The following PLGRKT variants were observed in gnomAD, a reference collection of about 807,000 sequenced individuals.
PLGRKT encodes the protein plasminogen receptor with a C-terminal lysine.
Under a neutral mutation model 18.5 loss-of-function variants are expected in PLGRKT, and 22 were observed. The observed-to-expected ratio is 1.19, with a 90% CI of 0.85 to 1.70. PLGRKT has a LOEUF of 1.70. PLGRKT is among the 40% of genes most tolerant of loss of function. The pLI is 0.00. For synonymous variants in PLGRKT, 72 were observed against 52.8 expected, an observed-to-expected ratio of 1.36 and a Z score of -1.58; for missense variants, 235 against 174.4, an observed-to-expected ratio of 1.35 and a Z score of -1.96.
In PLGRKT at chr9:5,400,316, T is replaced by C. The variant is rs147615549; in HGVS notation, c.81+31581A>G. On this transcript the variant is annotated intron_variant, in intron 3 of 5. Transcript: ENST00000223864. ...CCCTCAAAACATATGTGGCTTCAAA[T>C]TGTGGGGTGCATAACTGAAAATAAT... is the stretch of plus-strand genomic sequence containing the variant. 2.3e-4 allele frequency among the ~76,000 whole-genome samples: 35 copies of C among 152,034 alleles called. No individual in the cohort carries two copies. In the East Asian group the frequency reaches 6.5e-3, roughly 28 times the overall value.
Sources: gnomAD v4.1 joint callset for allele counts (sites outside exome capture counted in the v4.1 genomes callset) on GRCh38, gnomAD v4.1.1 for gene constraint, MANE v1.5 for transcripts, NCBI Gene and HGNC (gene_info 2026-07-23, HGNC 2026-07-21) for gene names.